Variants in ARHGAP8 observed in about 807,000 individuals in gnomAD.
ARHGAP8 encodes rho GTPase-activating protein 8.
ARHGAP8 carries 62 observed loss-of-function variants against 46.1 expected under a neutral mutation model. The ratio of observed to expected loss-of-function variants is 1.34; its 90% CI spans 1.10 to 1.66. The LOEUF is 1.66. ARHGAP8 is among the 40% of genes most tolerant of loss of function. ARHGAP8 has a pLI of 0.00. For missense variants in ARHGAP8, 923 were observed against 568.4 expected (o/e 1.62, Z -6.34); for synonymous variants, 375 against 243.1 (o/e 1.54, Z -5.05).
intron 10 of ARHGAP8, among the ~76,000 whole-genome samples, chr22:44,854,389 G>A (rs191807536): frequency 4.4e-4 from 67 of 150,762 alleles, no homozygotes; most frequent in Admixed American, 2.8e-3. Flanking sequence ...GGTGTGCGCC[G>A]CCACACCCAG....
At position 44,808,353 on chromosome 22, in the gene ARHGAP8, A is replaced by G. The variant is rs991091335; in HGVS notation, c.214A>G (p.Ile72Val). The G allele has an allele frequency of 5.6e-6, 9 of 1,614,222 alleles. No individual in the cohort carries two copies. The highest frequency in any genetic ancestry group is 7.6e-6 in the Non-Finnish European group (9 of 1,180,034). ...LDQYVENDYT[I>V]VYFHYGLNSR... ...CCAATACGTTGAGAACGATTATACCATCGTCTATTTCCACTACGGGCTGAA... is the reference window on the plus strand; with the variant it reads ...CCAATACGTTGAGAACGATTATACCGTCGTCTATTTCCACTACGGGCTGAA... The change falls in exon 4 of 12, where the codon ATC (isoleucine) becomes GTC (valine). Residue 72 changes from isoleucine to valine, a missense_variant. Physicochemically the swap from Ile to Val is conservative, Grantham distance 29 (BLOSUM62 3). Transcript: ENST00000356099.
intron 5 of ARHGAP8, 24 bp downstream of exon 5, chr22:44,814,782 C>G: frequency 6.2e-7 from 1 of 1,612,618 alleles, no homozygotes; most frequent in Non-Finnish European, 8.5e-7. Flanking sequence ...TGGGAGAGGA[C>G]CTCGCTGGGG....
At chr22:44,808,639 CATT>C (rs1323507619) in intron 4 of ARHGAP8, 1 of 949,774 alleles carries the variant, frequency 1.1e-6, no homozygotes, top group South Asian at 1.5e-5. Context: ...GGTTGGCACT[CATT>C]TTTTTTTTTC....
chr22:44,761,657 T>C (rs1925141487), intron 1 of ARHGAP8, among the ~76,000 whole-genome samples: 1 of 152,128 alleles, frequency 6.6e-6, no homozygotes, highest in Non-Finnish European at 1.5e-5. Context: ...TACAGGGAGC[T>C]AAGAGTATAT....
intron 7 of ARHGAP8, among the ~76,000 whole-genome samples, chr22:44,842,357 A>AAAAC (rs371563051): frequency 0.016 from 2,488 of 152,148 alleles, 75 homozygotes; most frequent in African/African-American, 0.057. Flanking sequence ...ACTCCATCTC[A>AAAAC]AAACAAACAA....
intron 7 of ARHGAP8, among the ~76,000 whole-genome samples, chr22:44,833,965 C>T (rs560151411): frequency 2.2e-4 from 33 of 152,164 alleles, no homozygotes; most frequent in African/African-American, 7.5e-4. Flanking sequence ...ACTTCATAAT[C>T]CTTTTATTTG....
chr22:44,837,115 C>T (rs768920396), intron 7 of ARHGAP8, among the ~76,000 whole-genome samples: 44 of 152,168 alleles, frequency 2.9e-4, no homozygotes, highest in Non-Finnish European at 5.4e-4. Context: ...GAATTCCCGA[C>T]CTCAGGTGAT....
At position 44,824,507 on chromosome 22, in the gene ARHGAP8, T is replaced by C. The variant is rs1398832359; in HGVS notation, c.486-976T>C. Among the ~76,000 whole-genome samples, 4 of 152,204 alleles carry C rather than the reference T, an allele frequency of 2.6e-5. No individual in the cohort carries two copies. In the East Asian group the frequency reaches 7.7e-4, roughly 29 times the overall value. On this transcript the variant is annotated intron_variant, in intron 6 of 11. Transcript: ENST00000356099. ...CTAATGGTCATGTGCCCCCCCATCCTGTGGCCGGGTCCCTGCTGTATGCAC... is the reference window on the plus strand; with the variant it reads ...CTAATGGTCATGTGCCCCCCCATCCCGTGGCCGGGTCCCTGCTGTATGCAC...
chr22:44,825,618 C>T, intron 7 of ARHGAP8, 25 bp downstream of exon 7: 1 of 1,600,466 alleles, frequency 6.2e-7, no homozygotes, highest in Non-Finnish European at 8.5e-7. Flanking sequence ...GATGTGCCTG[C>T]TCCTATGCCC....
At chr22:44,771,679 C>G (rs762385033) in intron 1 of ARHGAP8, among the ~76,000 whole-genome samples, 1 of 151,796 alleles carries the variant, frequency 6.6e-6, no homozygotes, top group Non-Finnish European at 1.5e-5. Flanking sequence ...CTCAGACTCC[C>G]GAGTAGCTGG....
intron 8 of ARHGAP8, among the ~76,000 whole-genome samples, chr22:44,845,889 C>T (rs1001491423): frequency 2.0e-5 from 3 of 152,118 alleles, no homozygotes; most frequent in Admixed American, 6.5e-5. Flanking sequence ...GAGGTTCCCA[C>T]GGAGGAGCAG....
chr22:44,862,648 T>C lies in ARHGAP8; in HGVS notation c.*53T>C, dbSNP rs527273662. On this transcript the variant is annotated 3_prime_UTR_variant, in exon 12 of 12. Coordinates refer to ENST00000356099, the MANE Select transcript of ARHGAP8 (RefSeq NM_181335.3). ...CTACCTCCCACACCTGTCTGTGCAC[T>C]TGTATGTTTTGTAAACTTGGCATCT... 1.7e-4 allele frequency: 256 copies of C among 1,503,314 alleles called. No individual in the cohort carries two copies. The highest frequency in any genetic ancestry group is 2.2e-4 in the Non-Finnish European group (242 of 1,125,450). The allele number at this position is 1,503,314 out of a possible 1,614,324, so 93.1% of individuals were successfully genotyped here.
intron 2 of ARHGAP8, among the ~76,000 whole-genome samples, chr22:44,789,001 T>C (rs2147053617): frequency 6.6e-6 from 1 of 152,334 alleles, no homozygotes; most frequent in South Asian, 2.1e-4. Context: ...TGTGTTCACA[T>C]CTCCTACATC....
intron 10 of ARHGAP8, 102 bp from the exon 11 acceptor site, chr22:44,859,629 C>T (rs2070365201): frequency 2.3e-6 from 3 of 1,298,550 alleles, no homozygotes; most frequent in South Asian, 2.5e-5. Context: ...ATAGTCCATC[C>T]TCAGAGCTGT....
At chr22:44,840,220 T>G (rs757249606) in intron 7 of ARHGAP8, among the ~76,000 whole-genome samples, 2 of 152,216 alleles carry the variant, frequency 1.3e-5, no homozygotes, top group African/African-American at 2.4e-5. Flanking sequence ...GTGGCTGCTG[T>G]CACAGTGGCT....
At chr22:44,859,446 C>T (rs574129037) in intron 10 of ARHGAP8, among the ~76,000 whole-genome samples, 65 of 152,276 alleles carry the variant, frequency 4.3e-4, no homozygotes, top group African/African-American at 1.4e-3. Context: ...GAGGCTTCTC[C>T]AGAAGCTGAA....
intron 7 of ARHGAP8, among the ~76,000 whole-genome samples, chr22:44,844,906 C>G (rs1602256074): frequency 1.3e-5 from 2 of 152,326 alleles, no homozygotes; most frequent in African/African-American, 4.8e-5. Flanking sequence ...TCTCATACCA[C>G]TGGGACTTCC....
intron 1 of ARHGAP8, among the ~76,000 whole-genome samples, chr22:44,768,237 C>T (rs1200714753): frequency 3.3e-5 from 5 of 151,764 alleles, no homozygotes; most frequent in Admixed American, 2.0e-4. Context: ...CCTCGTGATC[C>T]ACCCGCCTCA....
chr22:44,861,858 C>T (rs1288135663), intron 11 of ARHGAP8, among the ~76,000 whole-genome samples: 1 of 152,146 alleles, frequency 6.6e-6, no homozygotes, highest in African/African-American at 2.4e-5. Context: ...CTCTCCCTGC[C>T]CCTCGTAGTG....
Sources: gnomAD v4.1 joint callset for allele counts (sites outside exome capture counted in the v4.1 genomes callset) on GRCh38, gnomAD v4.1.1 for gene constraint, MANE v1.5 for transcripts, NCBI Gene and HGNC (gene_info 2026-07-23, HGNC 2026-07-21) for gene names.